CCDC171: variants seen among roughly 807,000 people sequenced by gnomAD.
CCDC171 encodes coiled-coil domain-containing protein 171.
CCDC171 carries 177 observed loss-of-function variants against 168.2 expected under a neutral mutation model. That is an observed-to-expected ratio of 1.05 (90% CI 0.93 to 1.19). CCDC171 has a LOEUF of 1.19. CCDC171 is among the 50% of genes most tolerant of loss of function. The pLI is 0.00. For missense variants in CCDC171, 1,991 were observed against 1,539.0 expected (o/e 1.29, Z -4.91); for synonymous variants, 687 against 540.8 (o/e 1.27, Z -3.75).
chr9:15,803,808 C>G (rs1158729207), intron 21 of CCDC171, among the ~76,000 whole-genome samples: 1 of 151,792 alleles, frequency 6.6e-6, no homozygotes, highest in East Asian at 1.9e-4. Context: ...TGAAGAATGT[C>G]AACGATAGTT....
chr9:16,052,931 C>A (rs1833774846), intron 1 of CCDC171, among the ~76,000 whole-genome samples: 1 of 152,040 alleles, frequency 6.6e-6, no homozygotes, highest in Non-Finnish European at 1.5e-5. Context: ...CGCCGTTCAG[C>A]CACATTTAAG....
At chr9:16,012,558 A>G (rs1832897246) in intron 3 of CCDC171, among the ~76,000 whole-genome samples, 1 of 147,464 alleles carries the variant, frequency 6.8e-6, no homozygotes, top group Non-Finnish European at 1.5e-5. Flanking sequence ...TTTTTTTACT[A>G]TAACCCGGAT....
At chr9:15,851,009 T>G (rs2061103572) in intron 23 of CCDC171, among the ~76,000 whole-genome samples, 2 of 151,982 alleles carry the variant, frequency 1.3e-5, no homozygotes, top group African/African-American at 4.8e-5. Context: ...AAACTAAGTC[T>G]TACCCGCTGA....
chr9:15,934,049 G>A (rs1413272085), intron 25 of CCDC171, among the ~76,000 whole-genome samples: 1 of 151,842 alleles, frequency 6.6e-6, no homozygotes, highest in South Asian at 2.1e-4. Context: ...TCCATACTAT[G>A]CAAAGAACTC....
chr9:15,862,727 G>C (rs980922569), intron 23 of CCDC171, among the ~76,000 whole-genome samples: 1 of 151,850 alleles, frequency 6.6e-6, no homozygotes, highest in African/African-American at 2.4e-5. Context: ...GCTTCTATGG[G>C]GCTCTCAAAC....
At chr9:15,898,031 T>C (rs1429587419) in intron 24 of CCDC171, among the ~76,000 whole-genome samples, 1 of 152,182 alleles carries the variant, frequency 6.6e-6, no homozygotes, top group Non-Finnish European at 1.5e-5. Flanking sequence ...GGAAGGCAGC[T>C]ATAATCCTGG....
chr9:16,088,339 C>G, the CCDC171 span, among the ~76,000 whole-genome samples: 1 of 152,202 alleles, frequency 6.6e-6, no homozygotes, highest in Admixed American at 6.5e-5. Flanking sequence ...CTCACCACTC[C>G]TATTCAACAT....
At chr9:16,091,541 G>T in the CCDC171 span, among the ~76,000 whole-genome samples, 1 of 152,216 alleles carries the variant, frequency 6.6e-6, no homozygotes, top group African/African-American at 2.4e-5. Flanking sequence ...AGTCCCTGGA[G>T]CACAGGCCTG....
At chr9:15,577,251 C>G (rs934864982) in intron 3 of CCDC171, among the ~76,000 whole-genome samples, 1 of 152,202 alleles carries the variant, frequency 6.6e-6, no homozygotes, top group Non-Finnish European at 1.5e-5. Context: ...GTTTTTCTGA[C>G]TGTCTTGAAC....
intron 7 of CCDC171, among the ~76,000 whole-genome samples, chr9:15,656,294 C>T (rs2047925672): frequency 1.3e-5 from 2 of 151,694 alleles, no homozygotes; most frequent in South Asian, 4.2e-4. Flanking sequence ...TGCATTCCAG[C>T]CTGGGTGACA....
chr9:16,095,507 C>A, the CCDC171 span, among the ~76,000 whole-genome samples: 1 of 147,994 alleles, frequency 6.8e-6, no homozygotes, highest in Non-Finnish European at 1.5e-5. Context: ...CTTTCCGTCT[C>A]TGTCTCTCTT....
At chr9:15,580,211 A>G (rs1163716506) in intron 4 of CCDC171, among the ~76,000 whole-genome samples, 1 of 152,212 alleles carries the variant, frequency 6.6e-6, no homozygotes. Flanking sequence ...CTTATATAAA[A>G]ATCAATTCAA....
chr9:15,835,901 A>G (rs2060426057), intron 21 of CCDC171, among the ~76,000 whole-genome samples: 1 of 152,196 alleles, frequency 6.6e-6, no homozygotes, highest in South Asian at 2.1e-4. Flanking sequence ...TATATTAAAA[A>G]TAGTATGTTT....
intron 14 of CCDC171, 29 bp downstream of exon 14, chr9:15,725,005 G>C (rs1242585817): frequency 6.5e-7 from 1 of 1,536,692 alleles, no homozygotes; most frequent in South Asian, 1.1e-5. Flanking sequence ...TGACTGTCAG[G>C]AAGGGCCTTT....
intron 24 of CCDC171, among the ~76,000 whole-genome samples, chr9:15,881,266 G>C (rs1818602020): frequency 6.6e-6 from 1 of 152,066 alleles, no homozygotes; most frequent in African/African-American, 2.4e-5. Context: ...ACAAAACAAA[G>C]TATTACAAGA....
At chr9:15,710,301 C>G (rs2052564483) in intron 11 of CCDC171, among the ~76,000 whole-genome samples, 2 of 151,832 alleles carry the variant, frequency 1.3e-5, no homozygotes, top group Non-Finnish European at 2.9e-5. Context: ...TCTTCTGTCT[C>G]TCTCTCTCTC....
At chr9:15,591,646 C>T (rs1190711161) in intron 5 of CCDC171, 90 bp downstream of exon 5, 1 of 775,918 alleles carries the variant, frequency 1.3e-6, no homozygotes, top group African/African-American at 1.8e-5. Flanking sequence ...GATTTCCTTC[C>T]TTCCTTTTTC....
At chr9:16,086,930 G>T in the CCDC171 span, among the ~76,000 whole-genome samples, 60 of 152,246 alleles carry the variant, frequency 3.9e-4, no homozygotes, top group African/African-American at 1.4e-3. Context: ...GGTATGTTGT[G>T]TCTTTGTTCT....
chr9:15,980,997 C>A (rs1831777506), intron 3 of CCDC171, among the ~76,000 whole-genome samples: 1 of 152,020 alleles, frequency 6.6e-6, no homozygotes, highest in Non-Finnish European at 1.5e-5. Flanking sequence ...ACATGGATGG[C>A]AGCAGGCAAA....
Sources: gnomAD v4.1 joint callset for allele counts (sites outside exome capture counted in the v4.1 genomes callset) on GRCh38, gnomAD v4.1.1 for gene constraint, MANE v1.5 for transcripts, NCBI Gene and HGNC (gene_info 2026-07-23, HGNC 2026-07-21) for gene names.